SMNDC1: variants seen among roughly 807,000 people sequenced by gnomAD.
The protein encoded by SMNDC1 is survival of motor neuron-related-splicing factor 30.
SMNDC1 carries 5 observed loss-of-function variants against 29.2 expected under a neutral mutation model. That is an observed-to-expected ratio of 0.17 (90% CI 0.09 to 0.36). The LOEUF is 0.36. Among genes scored for constraint, SMNDC1 ranks in the 10% least tolerant of loss-of-function variants. SMNDC1 has a pLI of 1.00. For missense variants in SMNDC1, 142 were observed against 268.5 expected (o/e 0.53, Z 3.29); for synonymous variants, 80 against 89.9 (o/e 0.89, Z 0.62).
chr10:110,303,157 G>T (rs1857680532), intron 2 of SMNDC1, among the ~76,000 whole-genome samples: 1 of 152,124 alleles, frequency 6.6e-6, no homozygotes, highest in Non-Finnish European at 1.5e-5. Context: ...AACTAAAAGC[G>T]TTTTTCATTG....
Position 110,294,099 on chromosome 10 carries a change from A to G in SMNDC1, c.*51T>C. 1.4e-6 allele frequency: 2 copies of G among 1,387,502 alleles called. No homozygotes were observed. The highest frequency in any genetic ancestry group is 1.9e-6 in the Non-Finnish European group (2 of 1,047,856). The allele number at this position is 1,387,502 out of a possible 1,614,324, so 85.9% of individuals were successfully genotyped here. A position where few individuals can be genotyped will look rare whatever the true frequency, so the allele number is the denominator to read the frequency against. ...TTTACCTTTAGAAAAATATAAGGAT[A>G]AAAAGGTAAATGTAAAGCCCTGCAG... On this transcript the variant is annotated 3_prime_UTR_variant, in exon 6 of 6. Transcript: ENST00000369603.
intron 2 of SMNDC1, among the ~76,000 whole-genome samples, chr10:110,302,940 A>G (rs1040063097): frequency 2.0e-5 from 3 of 152,176 alleles, no homozygotes; most frequent in Admixed American, 2.0e-4. Context: ...CTGAACATCT[A>G]TGTAACAATT....
Position 110,303,464 on chromosome 10 carries a change from T to G in SMNDC1, c.120+4A>C. ...AAAAAGTACAATTGTCTACCCATAC[T>G]TACTTGTAAATCTTTCTTCAATTTT... On this transcript the variant is annotated splice_donor_region_variant and intron_variant, in intron 2 of 5. Coordinates refer to ENST00000369603, the MANE Select transcript of SMNDC1 (RefSeq NM_005871.4). 8.2e-6 allele frequency: 13 copies of G among 1,579,874 alleles called. No homozygotes were observed. Among genetic ancestry groups the G allele is most frequent in the Non-Finnish European group, 1.1e-5 (13 of 1,169,070 alleles).
At chr10:110,303,087 T>C (rs1857679637) in intron 2 of SMNDC1, among the ~76,000 whole-genome samples, 1 of 152,248 alleles carries the variant, frequency 6.6e-6, no homozygotes, top group South Asian at 2.1e-4. Flanking sequence ...CTTAAGGTTC[T>C]ATTTTTCTCC....
intron 4 of SMNDC1, among the ~76,000 whole-genome samples, chr10:110,296,369 C>A (rs1433992722): frequency 3.3e-5 from 5 of 152,104 alleles, no homozygotes; most frequent in Admixed American, 6.5e-5. Flanking sequence ...GCTTTTTACA[C>A]AGATGACAAA....
chr10:110,295,610 C>A (rs1407756234), intron 4 of SMNDC1, among the ~76,000 whole-genome samples: 1 of 151,202 alleles, frequency 6.6e-6, no homozygotes, highest in Non-Finnish European at 1.5e-5. Context: ...ATCTATTTAC[C>A]CATATAAGGT....
chr10:110,294,560 ATCCTAACTTCAGCTGTGAGCTAGCCAT>A (rs916991450), intron 5 of SMNDC1, among the ~76,000 whole-genome samples: 1 of 152,204 alleles, frequency 6.6e-6, no homozygotes, highest in African/African-American at 2.4e-5. Flanking sequence ...GTAAACGCAA[ATCCTAACTTCAGCTGTGAGCTAGCCAT>A]TCTAGCATGA....
At chr10:110,296,858 T>TA (rs1365273167) in intron 4 of SMNDC1, among the ~76,000 whole-genome samples, 5 of 152,032 alleles carry the variant, frequency 3.3e-5, no homozygotes, top group Admixed American at 2.6e-4. Flanking sequence ...CTCCCCCCTT[T>TA]AAAAAAAATT....
chr10:110,303,793 A>G, intron 1 of SMNDC1: 1 of 499,508 alleles, frequency 2.0e-6, no homozygotes, highest in Non-Finnish European at 3.5e-6. Context: ...AGGATTATAA[A>G]CTTGAGATAC....
intron 4 of SMNDC1, among the ~76,000 whole-genome samples, chr10:110,297,310 T>C (rs1857579143): frequency 6.6e-6 from 1 of 152,206 alleles, no homozygotes; most frequent in African/African-American, 2.4e-5. Flanking sequence ...GTACCTGGCT[T>C]ATAAAATATG....
At position 110,293,920 on chromosome 10, in the gene SMNDC1, G is replaced by A; in HGVS notation, c.*230C>T. ...GCTGTATGAAACAGCATCTACAAAA[G>A]TTGCTTTATTCAACAAACTTTGAGG... On this transcript the variant is annotated 3_prime_UTR_variant, in exon 6 of 6. Coordinates refer to ENST00000369603, the MANE Select transcript of SMNDC1 (RefSeq NM_005871.4). 1 of 342,264 alleles carries A rather than the reference G, an allele frequency of 2.9e-6. No homozygotes were observed. The highest frequency in any genetic ancestry group is 5.3e-6 in the Non-Finnish European group (1 of 189,298). The allele number at this position is 342,264 out of a possible 1,614,324, so 21.2% of individuals were successfully genotyped here. A position where few individuals can be genotyped will look rare whatever the true frequency, so the allele number is the denominator to read the frequency against.
In SMNDC1 at chr10:110,294,134, C is replaced by T. The variant is rs761707979; in HGVS notation, c.*16G>A. On this transcript the variant is annotated 3_prime_UTR_variant, in exon 6 of 6. Coordinates refer to ENST00000369603, the MANE Select transcript of SMNDC1 (RefSeq NM_005871.4). ...ATGTAAAGCCCTGCAGAGATGAAATCCAACAGTTTTTCTGATTATTGAGGC... is the reference window on the plus strand; with the variant it reads ...ATGTAAAGCCCTGCAGAGATGAAATTCAACAGTTTTTCTGATTATTGAGGC... 1.3e-5 allele frequency: 21 copies of T among 1,558,106 alleles called. No homozygotes were observed. Among genetic ancestry groups the T allele is most frequent in the Non-Finnish European group, 1.7e-5 (20 of 1,157,946 alleles).
chr10:110,295,572 T>A (rs577884370), intron 4 of SMNDC1, among the ~76,000 whole-genome samples, 191 bp from the exon 5 acceptor site: 114 of 151,862 alleles, frequency 7.5e-4, no homozygotes, highest in African/African-American at 2.5e-3. Flanking sequence ...AAAAATGGCA[T>A]CCTTGGAAGC....
chr10:110,301,659 T>A (rs1328344894), intron 2 of SMNDC1, among the ~76,000 whole-genome samples: 1 of 152,222 alleles, frequency 6.6e-6, no homozygotes, highest in African/African-American at 2.4e-5. Context: ...GTGGCTATGG[T>A]ACTGAATAGC....
rs1857498911 is a variant in SMNDC1 at position 110,291,507 on chromosome 10, T to C, written c.*2643A>G. ...ATTGCTATTCAAGTTAAGGAAAAAA[T>C]ATCAGATAATTCACCACTGCCACTC... On this transcript the variant is annotated 3_prime_UTR_variant, in exon 6 of 6. Transcript: ENST00000369603. The C allele has an allele frequency of 6.6e-6, 1 of 152,130 alleles. No homozygotes were observed. Among genetic ancestry groups the C allele is most frequent in the Non-Finnish European group, 1.5e-5 (1 of 68,022 alleles). 9.4% of individuals were successfully genotyped at this position (152,130 alleles called of 1,614,324 possible).
At chr10:110,304,428 G>A (rs1857709361) in intron 1 of SMNDC1, 1 of 152,360 alleles carries the variant, frequency 6.6e-6, no homozygotes, top group Admixed American at 6.5e-5. Flanking sequence ...TTCGGACGTG[G>A]AAATCCACAC....
chr10:110,302,969 T>C (rs1233053752), intron 2 of SMNDC1, among the ~76,000 whole-genome samples: 1 of 152,162 alleles, frequency 6.6e-6, no homozygotes, highest in Non-Finnish European at 1.5e-5. Flanking sequence ...CACTTGTCTC[T>C]CTTTAGGCAT....
At position 110,304,842 on chromosome 10, in the gene SMNDC1, GA is replaced by G; in HGVS notation, c.-96del. 6.5e-6 allele frequency: 1 copy of G among 152,932 alleles called. No homozygotes were observed. Among genetic ancestry groups the G allele is most frequent in the Non-Finnish European group, 1.5e-5 (1 of 68,514 alleles). 9.5% of individuals were successfully genotyped at this position (152,932 alleles called of 1,614,324 possible). On this transcript the variant is annotated 5_prime_UTR_variant, in exon 1 of 6. Transcript: ENST00000369603. ...GCAGCAGCAGCAGTAGCAGTAGCAG[GA>G]AAATCACCGCGACGACAGCAAGGCG...
Position 110,292,173 on chromosome 10 carries a change from C to CT in SMNDC1, c.*1976dup. ...GGTAGTCTCCCCAGGAGTCCTGCCT[C>CT]TTAGTTCAGAGACACAAACATCATC... On this transcript the variant is annotated 3_prime_UTR_variant, in exon 6 of 6. Transcript: ENST00000369603. 6.6e-6 allele frequency: 1 copy of CT among 152,188 alleles called. No individual in the cohort carries two copies. The highest frequency in any genetic ancestry group is 1.5e-5 in the Non-Finnish European group (1 of 68,038). The allele number at this position is 152,188 out of a possible 1,614,324, so 9.4% of individuals were successfully genotyped here.
Sources: allele counts gnomAD v4.1 joint callset (sites outside exome capture counted in the v4.1 genomes callset), GRCh38; gene constraint gnomAD v4.1.1; transcripts MANE v1.5; gene names NCBI Gene and HGNC (gene_info 2026-07-23, HGNC 2026-07-21).